Variants in LDLRAD4 observed in about 807,000 individuals in gnomAD.
The protein encoded by LDLRAD4 is low-density lipoprotein receptor class A domain-containing protein 4.
Under a neutral mutation model 17.0 loss-of-function variants are expected in LDLRAD4, and 5 were observed. The observed-to-expected ratio is 0.29, with a 90% confidence interval of 0.15 to 0.62. The LOEUF (loss-of-function observed/expected upper bound fraction) is 0.62. LDLRAD4 is among the 20% of genes least tolerant of loss of function. LDLRAD4 has a pLI of 0.84. For missense variants in LDLRAD4, 340 were observed against 424.7 expected, an observed-to-expected ratio of 0.80 and a Z score of 1.75; for synonymous variants, 168 against 171.8, an observed-to-expected ratio of 0.98 and a Z score of 0.17.
chr18:13,610,291 TTTTTTTTTTTTTTTG>T lies in LDLRAD4; in HGVS notation c.182-10825_182-10811del, dbSNP rs1476579626. Among the ~76,000 whole-genome samples the T allele has an allele frequency of 4.6e-3, 306 of 67,110 alleles. 3 individuals carry two copies. Among genetic ancestry groups the T allele is most frequent in the Non-Finnish European group, 6.5e-3 (218 of 33,408 alleles). The allele number at this position is 67,110 out of a possible 152,430, so 44.0% of individuals were successfully genotyped here. ...TTTTTTTTTTTTTTTTTTTTTTTTT[TTTTTTTTTTTTTTTG>T]AGACGGAGTCTCACTCTGTCGCCCA... On this transcript the variant is annotated intron_variant, in intron 3 of 5. Transcript: ENST00000359446.
intron 1 of LDLRAD4, among the ~76,000 whole-genome samples, chr18:13,271,357 G>C (rs2044527672): frequency 6.6e-6 from 1 of 152,234 alleles, no homozygotes; most frequent in Non-Finnish European, 1.5e-5. Context: ...TTCAGTGCCT[G>C]TGTGAAAGCG....
At chr18:13,226,180 C>CTTTTTTTCTTTTTTTTT (rs2041783604) in intron 1 of LDLRAD4, among the ~76,000 whole-genome samples, 1 of 52,188 alleles carries the variant, frequency 1.9e-5, no homozygotes, top group Non-Finnish European at 3.3e-5. Context: ...CCATGCCTTG[C>CTTTTTTTCTTTTTTTTT]TTTTTTTTTT....
At chr18:13,612,000 G>A (rs918846067) in intron 3 of LDLRAD4, 24 of 985,366 alleles carry the variant, frequency 2.4e-5, no homozygotes, top group East Asian at 2.3e-4. Flanking sequence ...CTCTGGGAGC[G>A]GATCTGCAGG....
intron 2 of LDLRAD4, among the ~76,000 whole-genome samples, chr18:13,400,776 G>T (rs2087111197): frequency 6.6e-6 from 1 of 152,046 alleles, no homozygotes; most frequent in Non-Finnish European, 1.5e-5. Flanking sequence ...AAAGGACGTG[G>T]TTCACTTACG....
intron 1 of LDLRAD4, among the ~76,000 whole-genome samples, chr18:13,343,089 C>CT (rs1034813804): frequency 3.3e-5 from 5 of 151,744 alleles, no homozygotes; most frequent in African/African-American, 7.3e-5. Flanking sequence ...AAACAATAGA[C>CT]TTTTTTATTA....
chr18:13,248,203 C>T (rs536507606), intron 1 of LDLRAD4, among the ~76,000 whole-genome samples: 102 of 152,282 alleles, frequency 6.7e-4, no homozygotes, highest in Middle Eastern at 3.4e-3. Context: ...CCTCGTGATC[C>T]GCCTGCCTCG....
chr18:13,514,263 T>C (rs1385761042), intron 3 of LDLRAD4, among the ~76,000 whole-genome samples: 2 of 152,230 alleles, frequency 1.3e-5, no homozygotes, highest in African/African-American at 4.8e-5. Context: ...AACCGTTTCT[T>C]TAAACCTCAG....
At chr18:13,573,536 T>C (rs2094722229) in intron 3 of LDLRAD4, among the ~76,000 whole-genome samples, 1 of 152,210 alleles carries the variant, frequency 6.6e-6, no homozygotes, top group Non-Finnish European at 1.5e-5. Context: ...CACTGGCTGC[T>C]CTCCTTTAAA....
chr18:13,313,765 C>T (rs1183348242), intron 1 of LDLRAD4, among the ~76,000 whole-genome samples: 2 of 152,162 alleles, frequency 1.3e-5, no homozygotes, highest in African/African-American at 2.4e-5. Flanking sequence ...TGCCTTTGTT[C>T]CCTACACCTG....
intron 3 of LDLRAD4, chr18:13,542,565 G>C (rs572500438): frequency 6.6e-6 from 1 of 152,346 alleles, no homozygotes; most frequent in Non-Finnish European, 1.5e-5. Flanking sequence ...CTCTCTATGT[G>C]TCAGCCTCCC....
chr18:13,380,517 T>C (rs2085274798), intron 1 of LDLRAD4, among the ~76,000 whole-genome samples: 1 of 152,210 alleles, frequency 6.6e-6, no homozygotes, highest in African/African-American at 2.4e-5. Flanking sequence ...AGGGGTCGGA[T>C]ATATGACTCC....
chr18:13,515,594 T>A (rs1002090250), intron 3 of LDLRAD4: 2 of 152,236 alleles, frequency 1.3e-5, no homozygotes, highest in Non-Finnish European at 2.9e-5. Context: ...CTTGAAGGAA[T>A]CTCAGTAGAC....
intron 3 of LDLRAD4, among the ~76,000 whole-genome samples, chr18:13,470,031 A>G (rs761432770): frequency 4.7e-4 from 72 of 152,232 alleles, no homozygotes; most frequent in Non-Finnish European, 6.9e-4. Context: ...TTGGAGTGCA[A>G]TTAACAACAT....
chr18:13,454,665 A>G (rs1238161204), intron 3 of LDLRAD4, among the ~76,000 whole-genome samples: 1 of 152,214 alleles, frequency 6.6e-6, no homozygotes, highest in African/African-American at 2.4e-5. Context: ...GCAGCAGGAC[A>G]TGCCTGGCCC....
chr18:13,582,865 G>A (rs984723275), intron 3 of LDLRAD4, among the ~76,000 whole-genome samples: 18 of 152,116 alleles, frequency 1.2e-4, no homozygotes, highest in Non-Finnish European at 4.4e-5. Flanking sequence ...GGTGCATGCC[G>A]CTGTGCTGGC....
chr18:13,604,297 A>G (rs992905440), intron 3 of LDLRAD4, among the ~76,000 whole-genome samples: 1 of 152,212 alleles, frequency 6.6e-6, no homozygotes, highest in Admixed American at 6.5e-5. Flanking sequence ...AGCTACAGAG[A>G]TGACAGTATG....
chr18:13,282,467 A>T (rs1240250651), intron 1 of LDLRAD4, among the ~76,000 whole-genome samples: 1 of 152,210 alleles, frequency 6.6e-6, no homozygotes, highest in Non-Finnish European at 1.5e-5. Flanking sequence ...AAATGGGAGA[A>T]ATTGGCCAAA....
rs2145457820 is a variant in LDLRAD4, at chr18:13,398,520, ATG to A, written c.40+10759_40+10760del. Among the ~76,000 whole-genome samples the A allele has an allele frequency of 6.6e-6, 1 of 152,134 alleles. No individual in the cohort carries two copies. Among genetic ancestry groups the A allele is most frequent in the Non-Finnish European group, 1.5e-5 (1 of 67,992 alleles). On this transcript the variant is annotated intron_variant, in intron 2 of 5. Transcript: ENST00000359446. This position sits in a 1 kb window ranked among gnomAD's most constrained non-coding sequence, Gnocchi z 4.8. ...AGCTCAGATTTGAGTGTGGGTCTTGATGGGAAGTAGGAGAGCAGAAAGATGGG... is the reference window on the plus strand; with the variant it reads ...AGCTCAGATTTGAGTGTGGGTCTTGAGGAAGTAGGAGAGCAGAAAGATGGG...
chr18:13,631,309 C>T (rs2041642674), intron 4 of LDLRAD4, among the ~76,000 whole-genome samples: 1 of 152,168 alleles, frequency 6.6e-6, no homozygotes, highest in African/African-American at 2.4e-5. Context: ...AAGACTGAAT[C>T]ATGAAGAAAT....
Sources: gnomAD v4.1 joint callset for allele counts (sites outside exome capture counted in the v4.1 genomes callset) on GRCh38, gnomAD v4.1.1 for gene constraint, Gnocchi (gnomAD v3.1) non-coding constraint, MANE v1.5 for transcripts, NCBI Gene and HGNC (gene_info 2026-07-23, HGNC 2026-07-21) for gene names.